Variants in PTPRT observed in about 807,000 individuals in gnomAD.
PTPRT encodes receptor-type tyrosine-protein phosphatase T.
A neutral mutation model predicts 176.8 loss-of-function variants in PTPRT; 56 were observed. The ratio of observed to expected loss-of-function variants is 0.32; its 90% CI spans 0.26 to 0.40. PTPRT has a LOEUF of 0.40. PTPRT is among the 10% of genes least tolerant of loss of function. The pLI is 1.00. For missense variants in PTPRT, 1,540 were observed against 1,908.2 expected (o/e 0.81, Z 3.60); for synonymous variants, 783 against 739.0 (o/e 1.06, Z -0.96).
chr20:42,983,601 C>T (rs1377721258), intron 1 of PTPRT, among the ~76,000 whole-genome samples: 3 of 152,156 alleles, frequency 2.0e-5, no homozygotes, highest in African/African-American at 7.2e-5. Flanking sequence ...CTGGGCTCCT[C>T]CTGGGATCTG....
intron 12 of PTPRT, among the ~76,000 whole-genome samples, chr20:42,302,587 G>C (rs1441328637): frequency 6.6e-6 from 1 of 152,134 alleles, no homozygotes; most frequent in Non-Finnish European, 1.5e-5. Context: ...AACACACCAG[G>C]TATTCTGCCA....
chr20:42,789,480 C>T (rs1309849593), intron 3 of PTPRT, among the ~76,000 whole-genome samples: 2 of 152,168 alleles, frequency 1.3e-5, no homozygotes, highest in African/African-American at 4.8e-5. Context: ...TCTGAGCCTT[C>T]GTTTCATCAC....
chr20:42,529,321 G>A (rs760159500), intron 7 of PTPRT, among the ~76,000 whole-genome samples: 2 of 152,120 alleles, frequency 1.3e-5, no homozygotes, highest in Admixed American at 6.5e-5. Context: ...GAAGGGCACC[G>A]TGAGACCACG....
At chr20:42,780,384 T>C (rs781716268) in intron 3 of PTPRT, 85 bp from the exon 4 acceptor site, 43 of 1,021,942 alleles carry the variant, frequency 4.2e-5, no homozygotes, top group East Asian at 3.7e-4. Context: ...CAGCCCTTTA[T>C]GTTTCAACTT....
intron 16 of PTPRT, among the ~76,000 whole-genome samples, chr20:42,165,001 T>A (rs1202108966): frequency 1.3e-5 from 2 of 152,220 alleles, no homozygotes; most frequent in Non-Finnish European, 2.9e-5. Flanking sequence ...CCTAACCCTG[T>A]GAATTCCCCT....
In PTPRT at chr20:42,570,155, G is replaced by C. The variant is rs559738650; in HGVS notation, c.1154-97593C>G. On this transcript the variant is annotated intron_variant, in intron 7 of 30. Coordinates refer to ENST00000373187, the MANE Select transcript of PTPRT (RefSeq NM_007050.6). ...CCAGTGTGTGTCGCCAGTGTGTGTC[G>C]TCAGTGTCTGGGGCATCTCTCCCAT... Among the ~76,000 whole-genome samples, 33 of 152,218 alleles carry C rather than the reference G, an allele frequency of 2.2e-4. 1 individual carries two copies. The highest frequency in any genetic ancestry group is 4.9e-4 in the Non-Finnish European group (33 of 68,020).
intron 6 of PTPRT, among the ~76,000 whole-genome samples, chr20:42,707,557 G>T (rs564546111): frequency 4.4e-4 from 66 of 151,720 alleles, no homozygotes; most frequent in Non-Finnish European, 7.6e-4. Context: ...CAAAGAATGT[G>T]TGTGGCCTCT....
At chr20:43,077,792 G>A (rs1380069006) in intron 1 of PTPRT, among the ~76,000 whole-genome samples, 1 of 152,164 alleles carries the variant, frequency 6.6e-6, no homozygotes, top group Non-Finnish European at 1.5e-5. Context: ...ATCCCTGCTG[G>A]CTTGTGGTGT....
chr20:43,173,838 G>GTC (rs1473190760), intron 1 of PTPRT, among the ~76,000 whole-genome samples: 1 of 152,196 alleles, frequency 6.6e-6, no homozygotes, highest in Non-Finnish European at 1.5e-5. Context: ...GGGAAAGACA[G>GTC]TCTCTCTCTC....
At chr20:42,551,707 C>T (rs1055641843) in intron 7 of PTPRT, among the ~76,000 whole-genome samples, 3 of 151,960 alleles carry the variant, frequency 2.0e-5, no homozygotes, top group Admixed American at 6.6e-5. Context: ...TCTGAGAAAA[C>T]CTGTGGCCTT....
intron 12 of PTPRT, among the ~76,000 whole-genome samples, chr20:42,296,824 C>A (rs1462346977): frequency 6.6e-6 from 1 of 152,092 alleles, no homozygotes; most frequent in African/African-American, 2.4e-5. Flanking sequence ...CAGAGTGTAA[C>A]TGGATTGTTT....
chr20:42,829,534 C>A (rs1007098239), intron 2 of PTPRT, among the ~76,000 whole-genome samples: 1 of 152,144 alleles, frequency 6.6e-6, no homozygotes, highest in Non-Finnish European at 1.5e-5. Flanking sequence ...TCAAAACCAG[C>A]CTGACCAACA....
intron 7 of PTPRT, among the ~76,000 whole-genome samples, chr20:42,600,990 G>A (rs989970287): frequency 2.0e-5 from 3 of 152,102 alleles, no homozygotes; most frequent in African/African-American, 7.2e-5. Flanking sequence ...CTGAGTCAAT[G>A]TCAAGGCACT....
At chr20:42,570,091 C>T (rs910314824) in intron 7 of PTPRT, among the ~76,000 whole-genome samples, 1 of 152,174 alleles carries the variant, frequency 6.6e-6, no homozygotes, top group Non-Finnish European at 1.5e-5. Context: ...TCCCTCTGTC[C>T]TTTGGAAGGA....
At chr20:42,085,992 G>T in intron 27 of PTPRT, 139 bp from the exon 28 acceptor site, 2 of 1,102,718 alleles carry the variant, frequency 1.8e-6, no homozygotes, top group Non-Finnish European at 2.5e-6. Flanking sequence ...TTGTTGCCCA[G>T]CCTGGAGTGC....
At chr20:42,691,271 G>A (rs1298689210) in intron 6 of PTPRT, among the ~76,000 whole-genome samples, 1 of 152,204 alleles carries the variant, frequency 6.6e-6, no homozygotes, top group Non-Finnish European at 1.5e-5. Context: ...TAGGGAGTGA[G>A]GGAAGAAACA....
At chr20:42,230,909 T>A (rs1025367320) in intron 15 of PTPRT, among the ~76,000 whole-genome samples, 3 of 152,236 alleles carry the variant, frequency 2.0e-5, no homozygotes, top group Non-Finnish European at 4.4e-5. Flanking sequence ...AGCTCCATTT[T>A]TATTGGGCTG....
At chr20:42,450,140 T>C (rs2070802590) in intron 8 of PTPRT, among the ~76,000 whole-genome samples, 1 of 152,208 alleles carries the variant, frequency 6.6e-6, no homozygotes, top group South Asian at 2.1e-4. Context: ...TTATTGGGCA[T>C]TAAAGTTGGT....
At chr20:42,542,314 T>C (rs916447911) in intron 7 of PTPRT, among the ~76,000 whole-genome samples, 1 of 152,020 alleles carries the variant, frequency 6.6e-6, no homozygotes, top group African/African-American at 2.4e-5. Context: ...TAGAAAGAAG[T>C]ACTACAAATC....
Sources: gnomAD v4.1 joint callset for allele counts (sites outside exome capture counted in the v4.1 genomes callset) on GRCh38, gnomAD v4.1.1 for gene constraint, MANE v1.5 for transcripts, NCBI Gene and HGNC (gene_info 2026-07-23, HGNC 2026-07-21) for gene names.